Variants in STK31 observed in about 807,000 individuals in gnomAD.
STK31 encodes the protein serine/threonine kinase 31.
In STK31, 89 loss-of-function variants were observed where a neutral mutation model predicts 129.7. The observed-to-expected ratio is 0.69, with a 90% CI of 0.58 to 0.82. The LOEUF (loss-of-function observed/expected upper bound fraction) is 0.82, where lower values mean the gene tolerates loss of function less well. Among genes scored for constraint, STK31 ranks in the 40% least tolerant of loss-of-function variants. STK31 has a pLI of 0.00. For synonymous variants in STK31, 448 were observed against 395.3 expected, an observed-to-expected ratio of 1.13 and a Z score of -1.58; for missense variants, 1,187 against 1,176.4, an observed-to-expected ratio of 1.01 and a Z score of -0.13.
At chr7:23,728,895 A>C (rs533078429) in intron 5 of STK31, among the ~76,000 whole-genome samples, 196 bp from the exon 6 acceptor site, 1 of 152,340 alleles carries the variant, frequency 6.6e-6, no homozygotes, top group East Asian at 1.9e-4. Context: ...TAAAGAAATC[A>C]CTGTAATTTC....
intron 23 of STK31, among the ~76,000 whole-genome samples, chr7:23,818,548 T>G (rs539993988): frequency 1.3e-3 from 204 of 152,248 alleles, no homozygotes; most frequent in African/African-American, 4.5e-3. Context: ...CTCATTTAAC[T>G]AAAATAGACT....
At chr7:23,795,075 G>T (rs62470070) in intron 22 of STK31, among the ~76,000 whole-genome samples, 36,201 of 152,140 alleles carry the variant, frequency 0.24, 4,918 homozygotes, top group East Asian at 0.39. Flanking sequence ...AATGTTAATC[G>T]CTAGGACAAT....
At chr7:23,831,341 C>T (rs1005438484) in intron 23 of STK31, among the ~76,000 whole-genome samples, 1 of 151,786 alleles carries the variant, frequency 6.6e-6, no homozygotes, top group Non-Finnish European at 1.5e-5. Context: ...TGAATTGATC[C>T]CTTTATTATT....
At chr7:23,737,789 A>T (rs906417816) in intron 8 of STK31, among the ~76,000 whole-genome samples, 6 of 152,050 alleles carry the variant, frequency 3.9e-5, no homozygotes, top group African/African-American at 1.4e-4. Context: ...CTTTTATGGT[A>T]ATCACGTCTC....
intron 4 of STK31, chr7:23,722,627 C>T (rs950952653): frequency 5.3e-5 from 8 of 152,282 alleles, no homozygotes; most frequent in South Asian, 4.1e-4. Context: ...CAGACAGGGA[C>T]GTTTAAGTCT....
intron 15 of STK31, among the ~76,000 whole-genome samples, chr7:23,773,777 G>GT (rs545854268): frequency 2.6e-3 from 386 of 146,144 alleles, no homozygotes; most frequent in Non-Finnish European, 4.1e-3. Flanking sequence ...TGCCTATGTT[G>GT]TTTTTTTTTT....
intron 22 of STK31, among the ~76,000 whole-genome samples, chr7:23,791,507 G>A (rs1005443978): frequency 1.3e-5 from 2 of 152,112 alleles, no homozygotes; most frequent in African/African-American, 4.8e-5. Flanking sequence ...AAAACTACCT[G>A]TTAGGTATTA....
rs528099096 is a variant in STK31 at position 23,740,542 on chromosome 7, C to T, written c.1017+3464C>T. On this transcript the variant is annotated intron_variant, in intron 8 of 23. Transcript: ENST00000355870. ...TAAGTTTTAGGGTACATGTGCACAA[C>T]GTGCAGGTTTGTTACATACGTATAC... 3.9e-5 allele frequency among the ~76,000 whole-genome samples: 6 copies of T among 151,976 alleles called. 1 individual carries two copies. The highest frequency in any genetic ancestry group is 4.2e-4 in the South Asian group (2 of 4,816).
At chr7:23,763,662 C>G (rs1789619597) in intron 11 of STK31, among the ~76,000 whole-genome samples, 1 of 152,036 alleles carries the variant, frequency 6.6e-6, no homozygotes, top group Non-Finnish European at 1.5e-5. Flanking sequence ...TTTTTATGTA[C>G]TGGTGTTTCT....
chr7:23,717,473 C>T lies in STK31; in HGVS notation c.151-8C>T. 3 of 1,575,196 alleles carry T rather than the reference C, an allele frequency of 1.9e-6. No homozygotes were observed. Among genetic ancestry groups the T allele is most frequent in the Non-Finnish European group, 2.6e-6 (3 of 1,147,480 alleles). ...TACTGTATCTTATACTATATCTAAT[C>T]TTTCTAGAGTATCAATAGAAATAAG... On this transcript the variant is annotated splice_polypyrimidine_tract_variant and splice_region_variant and intron_variant, in intron 3 of 23. Coordinates refer to ENST00000355870, the MANE Select transcript of STK31 (RefSeq NM_031414.5).
In STK31 at chr7:23,736,894, G is replaced by C; in HGVS notation, c.843-10G>C. 6.3e-7 allele frequency: 1 copy of C among 1,591,264 alleles called. No homozygotes were observed. Among genetic ancestry groups the C allele is most frequent in the South Asian group, 1.2e-5 (1 of 86,612 alleles). ...TTTGTTTGTCAAAATAAATGAATTT[G>C]TTTTTATAGGGAAAGTTTGGCTGTT... On this transcript the variant is annotated splice_polypyrimidine_tract_variant and intron_variant, in intron 7 of 23. Coordinates refer to ENST00000355870, the MANE Select transcript of STK31 (RefSeq NM_031414.5).
chr7:23,827,848 C>T (rs1454124556), intron 23 of STK31, among the ~76,000 whole-genome samples: 1 of 152,196 alleles, frequency 6.6e-6, no homozygotes, highest in Non-Finnish European at 1.5e-5. Context: ...TTGTAGTTTA[C>T]TGGAGGTCCA....
intron 8 of STK31, among the ~76,000 whole-genome samples, chr7:23,750,775 C>T (rs1349403019): frequency 6.6e-6 from 1 of 152,060 alleles, no homozygotes; most frequent in African/African-American, 2.4e-5. Context: ...TATATGTTTA[C>T]TGGTGTATGT....
Position 23,729,236 on chromosome 7 carries a change from C to T in STK31, c.470C>T (p.Thr157Ile). The T allele has an allele frequency of 1.9e-6, 3 of 1,598,810 alleles. No individual in the cohort carries two copies. The highest frequency in any genetic ancestry group is 2.6e-6 in the Non-Finnish European group (3 of 1,175,514). The change falls in exon 6 of 24, where the codon ACC (threonine) becomes ATC (isoleucine). Residue 157 changes from threonine to isoleucine, a missense_variant. Transcript: ENST00000355870. ...CACATTCCTTCTGATCAAGAAGTTA[C>T]CCAGTTTGATCAGGCAAGTCACGTA... ...GLHIPSDQEV[T>I]QFDQGTTFLG...
chr7:23,821,421 G>A (rs1215752305), intron 23 of STK31, among the ~76,000 whole-genome samples: 1 of 152,134 alleles, frequency 6.6e-6, no homozygotes, highest in Non-Finnish European at 1.5e-5. Context: ...GATTAGTGAT[G>A]TTGAGCATTT....
At chr7:23,826,958 G>C (rs1794192696) in intron 23 of STK31, among the ~76,000 whole-genome samples, 1 of 152,168 alleles carries the variant, frequency 6.6e-6, no homozygotes, top group African/African-American at 2.4e-5. Context: ...TCTGCTGAGA[G>C]ATTCACTGTT....
intron 8 of STK31, among the ~76,000 whole-genome samples, chr7:23,746,142 G>T (rs924235633): frequency 6.6e-6 from 1 of 152,306 alleles, no homozygotes; most frequent in South Asian, 2.1e-4. Context: ...CAAAATGGCA[G>T]CATGCTGTAG....
chr7:23,710,291 G>A lies in STK31; in HGVS notation c.6G>A (p.Trp2Ter), dbSNP rs997389432. The change falls in exon 1 of 24, where the codon TGG (tryptophan) becomes TGA (stop). Residue 2 changes from tryptophan to a stop codon, truncating the protein, a stop_gained. Coordinates refer to ENST00000355870, the MANE Select transcript of STK31 (RefSeq NM_031414.5). LOFTEE classifies it high-confidence loss of function. The stretch of plus-strand genomic sequence containing the variant: ...CGGAGGGCCGAAAGTCCAGTATGTG[G>A]GTCCAGGGTCACTCTTCTAGAGCTT... M[W>*]VQGHSSRASA... is the part of the protein sequence containing the mutation. The A allele has an allele frequency of 3.7e-6, 6 of 1,613,010 alleles. No individual in the cohort carries two copies. In the African/African-American group the frequency reaches 5.3e-5, roughly 14 times the overall value.
intron 23 of STK31, among the ~76,000 whole-genome samples, chr7:23,825,431 G>C (rs1794080705): frequency 6.6e-6 from 1 of 152,182 alleles, no homozygotes; most frequent in Non-Finnish European, 1.5e-5. Context: ...ATTTCTGTGG[G>C]ATCACTGGTG....
Sources: gnomAD v4.1 joint callset for allele counts (sites outside exome capture counted in the v4.1 genomes callset) on GRCh38, gnomAD v4.1.1 for gene constraint, MANE v1.5 for transcripts, NCBI Gene and HGNC (gene_info 2026-07-23, HGNC 2026-07-21) for gene names.